Variants in RIIAD1 observed in about 807,000 individuals in gnomAD.
The protein encoded by RIIAD1 is regulatory subunit of type II PKA R-subunit domain containing 1, also known as RIIa domain-containing protein 1.
In RIIAD1, 15 loss-of-function variants were observed where a neutral mutation model predicts 13.3. The observed-to-expected ratio is 1.13, with a 90% CI of 0.76 to 1.74. RIIAD1 has a LOEUF of 1.74. Ranked by LOEUF, RIIAD1 falls within the 40% of genes most tolerant of loss-of-function variation. The probability of loss-of-function intolerance (pLI) is 0.00; values close to 1 mark genes in which losing one functional copy is unlikely to be tolerated. For missense variants in RIIAD1, 121 were observed against 112.2 expected (o/e 1.08, Z -0.35); for synonymous variants, 50 against 43.3 (o/e 1.16, Z -0.61).
At chr1:151,728,964 C>G in intron 4 of RIIAD1, 71 bp downstream of exon 4, 1 of 645,560 alleles carries the variant, frequency 1.5e-6, no homozygotes, top group African/African-American at 1.8e-5. Context: ...TTTATTGGTC[C>G]AGGGTGTGAA....
At chr1:151,722,198 G>T (rs1277952193) in intron 2 of RIIAD1, 36 bp downstream of exon 2, 2 of 1,352,224 alleles carry the variant, frequency 1.5e-6, no homozygotes, top group Non-Finnish European at 2.1e-6. Flanking sequence ...TTTGTGGCAC[G>T]CAGGGTTTTC....
At chr1:151,718,939 A>T (rs936444290), upstream of RIIAD1, among the ~76,000 whole-genome samples, 1 of 152,058 alleles carries the variant, frequency 6.6e-6, no homozygotes, top group Non-Finnish European at 1.5e-5. Context: ...GGCCCTGTTG[A>T]TCTCATTACT....
chr1:151,722,295 A>C, intron 2 of RIIAD1, 133 bp downstream of exon 2: 1 of 648,164 alleles, frequency 1.5e-6, no homozygotes, highest in Non-Finnish European at 2.8e-6. Flanking sequence ...GGATAAATAC[A>C]TACCTTATGA....
At chr1:151,718,297 A>G (rs1009513015), upstream of RIIAD1, among the ~76,000 whole-genome samples, 12 of 150,900 alleles carry the variant, frequency 8.0e-5, no homozygotes, top group Non-Finnish European at 1.5e-4. Context: ...AGATTTTGTC[A>G]TCTCCAAATA....
chr1:151,725,151 T>C (rs11204874), intron 2 of RIIAD1, among the ~76,000 whole-genome samples: 138,465 of 138,606 alleles, frequency 1, 69,162 homozygotes, highest in Middle Eastern at 1. Context: ...CCCACTGTCA[T>C]CTGGGCTGGA....
rs941966913 is a variant in RIIAD1, at chr1:151,729,561, C to T, written c.*131C>T. The stretch of plus-strand genomic sequence containing the variant: ...AGCTGCCTTGGGCTCTGTCTACTGT[C>T]GCAAAAGCTTTTAAAGATATTCATT... On this transcript the variant is annotated 3_prime_UTR_variant, in exon 5 of 5. Transcript: ENST00000479191. 6 of 152,224 alleles carry T rather than the reference C, an allele frequency of 3.9e-5. No individual in the cohort carries two copies. The highest frequency in any genetic ancestry group is 9.7e-5 in the African/African-American group (4 of 41,442). The allele number at this position is 152,224 out of a possible 1,614,324, so 9.4% of individuals were successfully genotyped here. A position where few individuals can be genotyped will look rare whatever the true frequency, so the allele number is the denominator to read the frequency against.
chr1:151,726,738 A>G (rs1479896086), intron 2 of RIIAD1, among the ~76,000 whole-genome samples: 1 of 152,218 alleles, frequency 6.6e-6, no homozygotes, highest in Non-Finnish European at 1.5e-5. Context: ...ACTCTATGCA[A>G]TGTAAGGCAT....
At chr1:151,721,398 C>T (rs562934705), upstream of RIIAD1, 3,979 of 419,570 alleles carry the variant, frequency 9.5e-3, 40 homozygotes, top group Non-Finnish European at 0.01. Context: ...ACCCCCCAAG[C>T]CCCCGCCCCG....
At chr1:151,712,885 CTGCACACACATGCGTGTGCA>C (rs938009074) in intron 2 of RIIAD1, among the ~76,000 whole-genome samples, 28 of 152,280 alleles carry the variant, frequency 1.8e-4, no homozygotes, top group Admixed American at 3.3e-4. Context: ...AGCTGACACA[CTGCACACACATGCGTGTGCA>C]TGCACACACA....
intron 2 of RIIAD1, among the ~76,000 whole-genome samples, chr1:151,724,187 A>G (rs935876093): frequency 6.6e-6 from 1 of 152,162 alleles, no homozygotes; most frequent in Non-Finnish European, 1.5e-5. Context: ...CTGCTGTGGG[A>G]ACAGCCCCAG....
upstream of RIIAD1, chr1:151,721,512 C>T (rs939232503): frequency 9.3e-6 from 12 of 1,293,154 alleles, no homozygotes; most frequent in Non-Finnish European, 1.1e-5. Flanking sequence ...GGCTCGCGGC[C>T]GGTCGCCTTG....
intron 2 of RIIAD1, among the ~76,000 whole-genome samples, chr1:151,713,196 A>G (rs1043956917): frequency 5.9e-5 from 9 of 152,190 alleles, no homozygotes; most frequent in African/African-American, 2.2e-4. Flanking sequence ...GCTCTGGAGA[A>G]GGGCTAGACA....
chr1:151,716,749 G>C (rs764031917), upstream of RIIAD1: 2 of 444,360 alleles, frequency 4.5e-6, no homozygotes, highest in African/African-American at 4.6e-5. Flanking sequence ...CTGCTTTCCC[G>C]GTCACCTGGG....
upstream of RIIAD1, chr1:151,721,397 G>A (rs902091649): frequency 9.6e-6 from 4 of 417,138 alleles, no homozygotes; most frequent in South Asian, 1.2e-4. Flanking sequence ...CACCCCCCAA[G>A]CCCCCGCCCC....
chr1:151,716,527 G>T, upstream of RIIAD1: 1 of 326,354 alleles, frequency 3.1e-6, no homozygotes, highest in Admixed American at 3.9e-5. Flanking sequence ...TCTCTCGTTG[G>T]CTTCCCTGGG....
chr1:151,724,072 G>A (rs972758503), intron 2 of RIIAD1, among the ~76,000 whole-genome samples: 1 of 152,202 alleles, frequency 6.6e-6, no homozygotes, highest in African/African-American at 2.4e-5. Flanking sequence ...AATGCTTGGG[G>A]TTGATGAATA....
intron 3 of RIIAD1, among the ~76,000 whole-genome samples, chr1:151,713,912 G>A (rs966461468): frequency 1.3e-5 from 2 of 152,150 alleles, no homozygotes; most frequent in Admixed American, 6.5e-5. Context: ...TGCAGGAGAG[G>A]GGCCACCTCT....
chr1:151,717,714 C>T (rs1440476436), upstream of RIIAD1, among the ~76,000 whole-genome samples: 1 of 152,338 alleles, frequency 6.6e-6, no homozygotes, highest in Admixed American at 6.5e-5. Flanking sequence ...TGCAGAAACC[C>T]AATTACTCTT....
Position 151,729,640 on chromosome 1 carries a change from A to G in RIIAD1, c.*210A>G, listed in dbSNP as rs1240560735. On this transcript the variant is annotated 3_prime_UTR_variant, in exon 5 of 5. Transcript: ENST00000479191. The stretch of plus-strand genomic sequence containing the variant: ...TTATTTCACTCAAGAGGAGGAAGCC[A>G]TCCTTCAGGGGAGGGCTGCTGTGCC... The G allele has an allele frequency of 6.6e-6, 1 of 152,212 alleles. No homozygotes were observed. Among genetic ancestry groups the G allele is most frequent in the Non-Finnish European group, 1.5e-5 (1 of 68,042 alleles). The allele number at this position is 152,212 out of a possible 1,614,324, so 9.4% of individuals were successfully genotyped here.
Sources: allele counts gnomAD v4.1 joint callset (sites outside exome capture counted in the v4.1 genomes callset), GRCh38; gene constraint gnomAD v4.1.1; transcripts MANE v1.5; gene names NCBI Gene and HGNC (gene_info 2026-07-23, HGNC 2026-07-21).